ITIH5: variants seen among roughly 807,000 people sequenced by gnomAD.
ITIH5 encodes inter-alpha-trypsin inhibitor heavy chain 5.
ITIH5 carries 65 observed loss-of-function variants against 77.5 expected under a neutral mutation model. That is an observed-to-expected ratio of 0.84 (90% CI 0.69 to 1.03). The LOEUF is 1.03. Ranked by LOEUF, ITIH5 falls within the 50% of genes least tolerant of loss-of-function variation. The pLI is 0.00. For missense variants in ITIH5, 1,208 were observed against 1,213.1 expected, an observed-to-expected ratio of 1.00 and a Z score of 0.06; for synonymous variants, 525 against 494.3, an observed-to-expected ratio of 1.06 and a Z score of -0.82.
At chr10:7,618,673 T>A (rs1487795409) in intron 5 of ITIH5, 1 of 152,214 alleles carries the variant, frequency 6.6e-6, no homozygotes, top group Non-Finnish European at 1.5e-5. Context: ...ATTATCTTTT[T>A]AAATGTACTC....
Position 7,631,042 on chromosome 10 carries a change from A to G in ITIH5, c.652+6186T>C, listed in dbSNP as rs534115785. Among the ~76,000 whole-genome samples the G allele has an allele frequency of 3.8e-4, 21 of 55,282 alleles. 1 individual carries two copies. Among genetic ancestry groups the G allele is most frequent in the African/African-American group, 1.5e-3 (18 of 12,100 alleles). The allele number at this position is 55,282 out of a possible 152,430, so 36.3% of individuals were successfully genotyped here. ...TGGAAATGGGGTCAAGCAGCCCAGG[A>G]AAAAAAAAAAAGAGTTTAGAAAACA... On this transcript the variant is annotated intron_variant, in intron 5 of 13. Transcript: ENST00000397146.
intron 1 of ITIH5, among the ~76,000 whole-genome samples, chr10:7,656,326 G>A (rs761223406): frequency 1.8e-4 from 27 of 152,060 alleles, no homozygotes; most frequent in Non-Finnish European, 3.4e-4. Flanking sequence ...GCCATCCCCC[G>A]ACTTCAACCT....
chr10:7,563,976 C>A (rs1041570818), intron 13 of ITIH5, among the ~76,000 whole-genome samples: 3 of 152,276 alleles, frequency 2.0e-5, no homozygotes, highest in Admixed American at 6.5e-5. Context: ...TGAACCCTGA[C>A]AATGGCTTGC....
At chr10:7,570,515 G>A (rs961250208) in intron 11 of ITIH5, 4 of 152,230 alleles carry the variant, frequency 2.6e-5, no homozygotes, top group African/African-American at 9.6e-5. Context: ...AAGGTGAACA[G>A]CCTTGCCTTT....
At chr10:7,616,156 C>T (rs1833363059) in intron 6 of ITIH5, 58 bp from the exon 7 acceptor site, 5 of 937,592 alleles carry the variant, frequency 5.3e-6, no homozygotes, top group African/African-American at 3.2e-5. Flanking sequence ...GCAAAAATAC[C>T]TGAAGTGGGT....
chr10:7,640,616 A>G (rs1833869426), intron 4 of ITIH5, 138 bp downstream of exon 4: 1 of 617,366 alleles, frequency 1.6e-6, no homozygotes, highest in South Asian at 2.0e-5. Flanking sequence ...TATTCACTAG[A>G]TGTATTTATA....
intron 6 of ITIH5, among the ~76,000 whole-genome samples, 184 bp downstream of exon 6, chr10:7,616,929 G>A (rs777885639): frequency 6.6e-6 from 1 of 152,184 alleles, no homozygotes; most frequent in Non-Finnish European, 1.5e-5. Flanking sequence ...GATTACTGAA[G>A]CTGGAAATAG....
intron 5 of ITIH5, among the ~76,000 whole-genome samples, chr10:7,625,383 G>A (rs986732631): frequency 4.6e-5 from 7 of 152,134 alleles, no homozygotes; most frequent in African/African-American, 1.7e-4. Flanking sequence ...TGTTTAATGG[G>A]TACAAAGTTT....
At chr10:7,604,748 CT>C (rs1833087636) in intron 7 of ITIH5, among the ~76,000 whole-genome samples, 1 of 152,330 alleles carries the variant, frequency 6.6e-6, no homozygotes, top group Middle Eastern at 3.4e-3. Flanking sequence ...CATCATTAAT[CT>C]TTCCCTATCT....
chr10:7,656,516 A>G (rs1208910445), intron 1 of ITIH5, among the ~76,000 whole-genome samples: 3 of 152,014 alleles, frequency 2.0e-5, no homozygotes. Context: ...GTGCCCAGCC[A>G]AAAGATTTTT....
chr10:7,656,863 C>T (rs969315257), intron 1 of ITIH5, among the ~76,000 whole-genome samples: 7 of 150,824 alleles, frequency 4.6e-5, no homozygotes, highest in Non-Finnish European at 7.4e-5. Flanking sequence ...CCTGCCTCAG[C>T]CTCTGGAGTA....
chr10:7,655,667 G>C lies in ITIH5; in HGVS notation c.99C>G (p.Leu33=). The change falls in exon 2 of 14, where the codon CTC becomes CTG. Residue 33 remains leucine (L), a synonymous_variant. Transcript: ENST00000397146. ...SWGHSSEQDG[L]RVPRQVRLLQ... is the part of the protein sequence containing the mutation. Reference sequence around the variant, plus strand: ...ACAGTCTGACTTGCCTCGGGACCCTGAGTCCATCCTAGAAAAGAGAAGAGA... The same window carrying C: ...ACAGTCTGACTTGCCTCGGGACCCTCAGTCCATCCTAGAAAAGAGAAGAGA... 6.2e-7 allele frequency: 1 copy of C among 1,611,886 alleles called. No individual in the cohort carries two copies. Among genetic ancestry groups the C allele is most frequent in the South Asian group, 1.1e-5 (1 of 91,018 alleles).
chr10:7,592,743 C>A (rs1832818496), intron 7 of ITIH5, among the ~76,000 whole-genome samples: 1 of 152,236 alleles, frequency 6.6e-6, no homozygotes, highest in Non-Finnish European at 1.5e-5. Context: ...GGGCCCTTCT[C>A]ACCCTGGTTC....
intron 7 of ITIH5, among the ~76,000 whole-genome samples, chr10:7,601,224 A>G (rs1833008742): frequency 6.6e-6 from 1 of 152,198 alleles, no homozygotes; most frequent in Non-Finnish European, 1.5e-5. Context: ...CAAAAGTGGG[A>G]GATTTCAGAG....
intron 1 of ITIH5, among the ~76,000 whole-genome samples, chr10:7,658,382 G>A (rs902263516): frequency 6.6e-6 from 1 of 152,108 alleles, no homozygotes; most frequent in Non-Finnish European, 1.5e-5. Flanking sequence ...ACATGGGATG[G>A]AGAAAAATAG....
intron 2 of ITIH5, among the ~76,000 whole-genome samples, chr10:7,651,599 C>A (rs1478191231): frequency 6.6e-6 from 1 of 151,732 alleles, no homozygotes; most frequent in African/African-American, 2.4e-5. Flanking sequence ...CAGAGTGAGA[C>A]TCTGTCTCAA....
intron 8 of ITIH5, among the ~76,000 whole-genome samples, chr10:7,582,167 C>T (rs1041808621): frequency 6.6e-6 from 1 of 152,150 alleles, no homozygotes; most frequent in Non-Finnish European, 1.5e-5. Context: ...GGCCACAGCA[C>T]CTGGCCCCAT....
chr10:7,659,005 T>C (rs895004057), intron 1 of ITIH5, among the ~76,000 whole-genome samples: 1 of 152,136 alleles, frequency 6.6e-6, no homozygotes, highest in Middle Eastern at 3.2e-3. Flanking sequence ...GTCCATTCAG[T>C]TGGTTGGCGG....
chr10:7,580,006 G>C lies in ITIH5; in HGVS notation c.1167C>G (p.Ala389=), dbSNP rs371793885. The C allele has an allele frequency of 1.9e-6, 3 of 1,613,650 alleles. No homozygotes were observed. The highest frequency in any genetic ancestry group is 2.5e-6 in the Non-Finnish European group (3 of 1,179,946). ...RAIRLLNKYV[A]HSGIGDRSVS... is the part of the protein sequence containing the mutation. ...CGCTCCGGTCTCCAATGCCACTGTG[G>C]GCCACGTACTTGTTGAGGAGCCTGA... The change falls in exon 9 of 14, where the codon GCC becomes GCG. Residue 389 remains alanine (A), a synonymous_variant. Coordinates refer to ENST00000397146, the MANE Select transcript of ITIH5 (RefSeq NM_030569.7).
Sources: allele counts gnomAD v4.1 joint callset (sites outside exome capture counted in the v4.1 genomes callset), GRCh38; gene constraint gnomAD v4.1.1; transcripts MANE v1.5; gene names NCBI Gene and HGNC (gene_info 2026-07-23, HGNC 2026-07-21).